ENOX1: variants seen among roughly 807,000 people sequenced by gnomAD.
ENOX1 encodes candidate growth-related and time keeping constitutive hydroquinone (NADH) oxidase.
In ENOX1, 42 loss-of-function variants were observed where a neutral mutation model predicts 82.5. That is an observed-to-expected ratio of 0.51 (90% confidence interval 0.40 to 0.66). The LOEUF (loss-of-function observed/expected upper bound fraction) is 0.66, where lower values mean the gene tolerates loss of function less well. Among genes scored for constraint, ENOX1 ranks in the 30% least tolerant of loss-of-function variants. The probability of loss-of-function intolerance (pLI) is 0.00; values close to 1 mark genes in which losing one functional copy is unlikely to be tolerated. For missense variants in ENOX1, 608 were observed against 811.6 expected, an observed-to-expected ratio of 0.75 and a Z score of 3.05; for synonymous variants, 271 against 282.2, an observed-to-expected ratio of 0.96 and a Z score of 0.40.
intron 2 of ENOX1, among the ~76,000 whole-genome samples, chr13:43,602,478 A>T (rs1159085576): frequency 6.6e-6 from 1 of 152,126 alleles, no homozygotes; most frequent in African/African-American, 2.4e-5. Flanking sequence ...TATGATATAT[A>T]TACACACAAT....
intron 3 of ENOX1, among the ~76,000 whole-genome samples, chr13:43,475,075 C>T (rs757078599): frequency 2.6e-5 from 4 of 152,184 alleles, no homozygotes; most frequent in South Asian, 2.1e-4. Flanking sequence ...AGAGTTTACA[C>T]GGTGTTGGAA....
Position 43,412,846 on chromosome 13 carries a change from T to C in ENOX1, c.69A>G (p.Ala23=). 2 of 1,614,084 alleles carry C rather than the reference T, an allele frequency of 1.2e-6. No homozygotes were observed. The highest frequency in any genetic ancestry group is 1.3e-5 in the African/African-American group (1 of 75,032). Residue 23 remains alanine, a splice_region_variant and synonymous_variant, in exon 4 of 17, where the codon GCA becomes GCG. Coordinates refer to ENST00000690772, the MANE Select transcript of ENOX1 (RefSeq NM_001347969.2). The stretch of plus-strand genomic sequence containing the variant: ...CCTGTGCTGGCCACTGGCATTTACC[T>C]GCAGCCATCATCTGAGGAAGCTCCT... ...LPQELPQMMA[A]AADGLGSIAI... is the part of the protein sequence containing the mutation.
At chr13:43,460,663 G>A (rs1012180550) in intron 3 of ENOX1, among the ~76,000 whole-genome samples, 4 of 151,720 alleles carry the variant, frequency 2.6e-5, no homozygotes, top group Non-Finnish European at 4.4e-5. Flanking sequence ...GCATGGTGGC[G>A]GGCACCTGTA....
At chr13:43,388,798 T>C (rs2052589996) in intron 5 of ENOX1, among the ~76,000 whole-genome samples, 1 of 151,922 alleles carries the variant, frequency 6.6e-6, no homozygotes, top group Non-Finnish European at 1.5e-5. Flanking sequence ...TTTTGATAGG[T>C]GGAGAGGCAG....
chr13:43,501,730 C>G (rs1593513672), intron 2 of ENOX1, among the ~76,000 whole-genome samples: 2 of 146,724 alleles, frequency 1.4e-5, no homozygotes, highest in Admixed American at 6.8e-5. Context: ...TATACTAAAA[C>G]TTATTGGATG....
intron 3 of ENOX1, chr13:43,459,550 G>T (rs890170416): frequency 3.9e-5 from 6 of 152,008 alleles, no homozygotes; most frequent in Non-Finnish European, 7.4e-5. Flanking sequence ...TGAAAGGAGG[G>T]TACTATGCTA....
chr13:43,380,454 A>G (rs549511053), intron 5 of ENOX1, among the ~76,000 whole-genome samples: 1 of 151,894 alleles, frequency 6.6e-6, no homozygotes, highest in South Asian at 2.1e-4. Context: ...TAAAATTGAA[A>G]TCATAAAGAT....
intron 11 of ENOX1, among the ~76,000 whole-genome samples, chr13:43,317,130 G>A (rs2047547937): frequency 6.6e-6 from 1 of 152,230 alleles, no homozygotes; most frequent in Admixed American, 6.5e-5. Flanking sequence ...CCGGAGCTCA[G>A]ATCCTGGCAT....
chr13:43,269,644 T>C, intron 12 of ENOX1, 67 bp from the exon 13 acceptor site: 1 of 1,206,522 alleles, frequency 8.3e-7, no homozygotes, highest in Non-Finnish European at 1.2e-6. Flanking sequence ...ATATCCACAA[T>C]ACCCATTCAA....
intron 2 of ENOX1, among the ~76,000 whole-genome samples, chr13:43,571,532 A>AT (rs927814200): frequency 6.6e-6 from 1 of 151,232 alleles, no homozygotes; most frequent in Non-Finnish European, 1.5e-5. Flanking sequence ...GAAAAAAAAA[A>AT]ATACAAAATT....
intron 5 of ENOX1, among the ~76,000 whole-genome samples, chr13:43,391,348 A>G (rs959755719): frequency 5.9e-5 from 9 of 151,904 alleles, no homozygotes; most frequent in Non-Finnish European, 1.2e-4. Flanking sequence ...TCTTTATGCC[A>G]TTTCCCTCAT....
Position 43,723,338 on chromosome 13 carries a change from T to C in ENOX1, c.-284-55794A>G, listed in dbSNP as rs75977267. ...CCCACCACTTAAGCCCAGAACGTGA[T>C]TAAAACCAAAATCTGTAAAAGCAAA... is the stretch of plus-strand genomic sequence containing the variant. On this transcript the variant is annotated intron_variant, in intron 1 of 16. Transcript: ENST00000690772. 1.2e-3 allele frequency among the ~76,000 whole-genome samples: 179 copies of C among 152,274 alleles called. 1 individual carries two copies. In the East Asian group the frequency reaches 0.032, roughly 28 times the overall value.
At chr13:43,621,727 G>A (rs563888542) in intron 2 of ENOX1, among the ~76,000 whole-genome samples, 4 of 152,236 alleles carry the variant, frequency 2.6e-5, no homozygotes, top group Non-Finnish European at 5.9e-5. Flanking sequence ...ATGACAATGT[G>A]CCTAGATGAA....
intron 2 of ENOX1, among the ~76,000 whole-genome samples, chr13:43,535,492 CTG>C (rs2078420774): frequency 6.6e-6 from 1 of 152,272 alleles, no homozygotes; most frequent in African/African-American, 2.4e-5. Flanking sequence ...ACTCAATACA[CTG>C]TAGTACTTCA....
At position 43,470,417 on chromosome 13, in the gene ENOX1, T is replaced by A. The variant is rs867377080; in HGVS notation, c.-75+13592A>T. On this transcript the variant is annotated intron_variant, in intron 3 of 16. Coordinates refer to ENST00000690772, the MANE Select transcript of ENOX1 (RefSeq NM_001347969.2). ...ATATATGTGTATATATATATATATA[T>A]AACAGAGATAACCTTGTTTTAGACA... Among the ~76,000 whole-genome samples the A allele has an allele frequency of 1.9e-3, 248 of 132,110 alleles. 6 individuals carry two copies. Among genetic ancestry groups the A allele is most frequent in the African/African-American group, 4.4e-3 (157 of 35,524 alleles). The allele number at this position is 132,110 out of a possible 152,430, so 86.7% of individuals were successfully genotyped here.
At chr13:43,406,890 G>T (rs1320708387) in intron 5 of ENOX1, among the ~76,000 whole-genome samples, 7 of 152,042 alleles carry the variant, frequency 4.6e-5, no homozygotes, top group Non-Finnish European at 1.0e-4. Flanking sequence ...AGTCAATAAT[G>T]GCTAAAGAAA....
At chr13:43,294,373 C>T (rs1217292748) in intron 12 of ENOX1, among the ~76,000 whole-genome samples, 2 of 152,138 alleles carry the variant, frequency 1.3e-5, no homozygotes, top group Non-Finnish European at 2.9e-5. Context: ...GTTGACCTAT[C>T]CTCATGAATG....
At chr13:43,632,377 T>A (rs1471687177) in intron 2 of ENOX1, among the ~76,000 whole-genome samples, 4 of 151,864 alleles carry the variant, frequency 2.6e-5, no homozygotes, top group Admixed American at 6.6e-5. Flanking sequence ...TTTCTTTTTT[T>A]AATGTATTTC....
At chr13:43,317,037 G>C (rs771450194) in intron 11 of ENOX1, among the ~76,000 whole-genome samples, 1 of 152,190 alleles carries the variant, frequency 6.6e-6, no homozygotes, top group African/African-American at 2.4e-5. Context: ...TGGTGCCCTC[G>C]GCTGTCATTA....
Sources: allele counts gnomAD v4.1 joint callset (sites outside exome capture counted in the v4.1 genomes callset), GRCh38; gene constraint gnomAD v4.1.1; transcripts MANE v1.5; gene names NCBI Gene and HGNC (gene_info 2026-07-23, HGNC 2026-07-21).